The following ATAD5 variants were observed in gnomAD, a reference collection of about 807,000 sequenced individuals.
ATAD5 encodes the protein ATPase family AAA domain-containing protein 5.
ATAD5 carries 58 observed loss-of-function variants against 176.9 expected under a neutral mutation model. That is an observed-to-expected ratio of 0.33 (90% CI 0.27 to 0.41). The LOEUF is 0.41. Among genes scored for constraint, ATAD5 ranks in the 10% least tolerant of loss-of-function variants. The probability of loss-of-function intolerance (pLI) is 1.00; values close to 1 mark genes in which losing one functional copy is unlikely to be tolerated. For missense variants in ATAD5, 1,789 were observed against 2,094.1 expected (o/e 0.85, Z 2.84); for synonymous variants, 640 against 712.6 (o/e 0.90, Z 1.62).
chr17:30,884,932 A>G (rs1334420464), intron 18 of ATAD5, among the ~76,000 whole-genome samples: 1 of 151,780 alleles, frequency 6.6e-6, no homozygotes, highest in African/African-American at 2.4e-5. Flanking sequence ...TATTTTTAGT[A>G]GAGACGGGGT....
At chr17:30,885,594 AT>A (rs1157108923) in intron 18 of ATAD5, among the ~76,000 whole-genome samples, 1 of 140,884 alleles carries the variant, frequency 7.1e-6, no homozygotes, top group Non-Finnish European at 1.6e-5. Flanking sequence ...TTTTTATCAG[AT>A]TAAGGAAATT....
intron 14 of ATAD5, among the ~76,000 whole-genome samples, chr17:30,871,340 T>A (rs574306708): frequency 1.3e-5 from 2 of 151,700 alleles, no homozygotes; most frequent in African/African-American, 4.8e-5. Context: ...ATTAATTCTA[T>A]CATCTGTGTA....
chr17:30,848,786 G>A (rs1022998978), intron 6 of ATAD5, among the ~76,000 whole-genome samples: 1 of 152,130 alleles, frequency 6.6e-6, no homozygotes, highest in Non-Finnish European at 1.5e-5. Flanking sequence ...TATAGTATAT[G>A]CTCTTTTGTG....
chr17:30,893,985 C>T lies in ATAD5; in HGVS notation c.5132C>T (p.Ala1711Val), dbSNP rs770306744. The change falls in exon 21 of 23, where the codon GCT (alanine) becomes GTT (valine). Residue 1711 changes from alanine to valine, a missense_variant. Physicochemically the swap from Ala to Val is moderately conservative, Grantham distance 64. Transcript: ENST00000321990. ...CAAAGCTCTGGAGAATTAAAGGCAG[C>T]TGCAGAAGCTCTCAGCTTTACTAAA... The part of the protein sequence containing the change: ...TSQSSGELKA[A>V]AEALSFTKCS... The T allele has an allele frequency of 1.2e-6, 2 of 1,613,972 alleles. No homozygotes were observed. Among genetic ancestry groups the T allele is most frequent in the Admixed American group, 1.7e-5 (1 of 59,996 alleles).
chr17:30,881,671 G>A (rs1909019272), intron 18 of ATAD5, among the ~76,000 whole-genome samples: 1 of 152,162 alleles, frequency 6.6e-6, no homozygotes, highest in Non-Finnish European at 1.5e-5. Context: ...CCAGCACTTT[G>A]GGAGGCAGAG....
chr17:30,835,877 G>A lies in ATAD5; in HGVS notation c.1796G>A (p.Arg599Lys). The change falls in exon 2 of 23, where the codon AGA becomes AAA. Residue 599 changes from arginine to lysine, a missense_variant. By Grantham distance (26) the Arg-to-Lys change is conservative. This residue lies in a region of ATAD5 where 696 missense variants were observed against 712.5 expected (regional missense o/e 0.98). Coordinates refer to ENST00000321990, the MANE Select transcript of ATAD5 (RefSeq NM_024857.5). The stretch of plus-strand genomic sequence containing the variant: ...CCCAAGTCAACTAGAAGATCTGGAA[G>A]AATTAGCAGCACACCTACTACAGAA... ...STPKSTRRSG[R>K]ISSTPTTETI... 1 of 1,613,998 alleles carries A rather than the reference G, an allele frequency of 6.2e-7. No individual in the cohort carries two copies. The highest frequency in any genetic ancestry group is 8.5e-7 in the Non-Finnish European group (1 of 1,179,986).
In ATAD5 at chr17:30,892,730, C is replaced by A. The variant is rs770436874; in HGVS notation, c.4382C>A (p.Thr1461Asn). 42 of 1,584,034 alleles carry A rather than the reference C, an allele frequency of 2.7e-5. No individual in the cohort carries two copies. The highest frequency in any genetic ancestry group is 3.4e-5 in the Non-Finnish European group (40 of 1,167,034). The change falls in exon 20 of 23, where the codon ACC becomes AAC. Residue 1461 changes from threonine to asparagine, a missense_variant. By Grantham distance (65) the Thr-to-Asn change is moderately conservative. Coordinates refer to ENST00000321990, the MANE Select transcript of ATAD5 (RefSeq NM_024857.5). ...AAATGTGACAGTGGCTGTGCTGAGA[C>A]CTTGTTTGGCCTTAAGAACATTTTT... ...LPKCDSGCAE[T>N]LFGLKNIFSP...
chr17:30,834,885 G>C lies in ATAD5; in HGVS notation c.804G>C (p.Glu268Asp). ...LNDSIITVSY[E>D]EFLKSHKENK... is the part of the protein sequence containing the mutation. ...ATAGTATAATAACTGTCTCATATGA[G>C]GAATTTTTAAAAAGTCACAAGGAAA... Residue 268 changes from glutamate (E) to aspartate (D), a missense_variant, in exon 2 of 23, where the codon GAG becomes GAC. This residue lies in a region of ATAD5 where 696 missense variants were observed against 712.5 expected (regional missense o/e 0.98). Transcript: ENST00000321990. 6.2e-7 allele frequency: 1 copy of C among 1,613,620 alleles called. No homozygotes were observed. Among genetic ancestry groups the C allele is most frequent in the Non-Finnish European group, 8.5e-7 (1 of 1,179,864 alleles).
In ATAD5 at chr17:30,857,023, A is replaced by G. The variant is rs1463773312; in HGVS notation, c.2704A>G (p.Lys902Glu). 1.2e-6 allele frequency: 2 copies of G among 1,609,458 alleles called. No individual in the cohort carries two copies. The highest frequency in any genetic ancestry group is 1.7e-5 in the Admixed American group (1 of 58,426). ...LLTKFKELNTKVIDLSKCGIA... is the reference protein window; with the variant it reads ...LLTKFKELNTEVIDLSKCGIA... ...AACTAAATTTAAAGAACTGAACACT[A>G]AAGTAATAGATCTCTCAAAATGTGG... The change falls in exon 8 of 23, where the codon AAA (lysine) becomes GAA (glutamate). Residue 902 changes from lysine (K) to glutamate (E), a missense_variant. This residue lies in a region of ATAD5 where 487 missense variants were observed against 573.6 expected (regional missense o/e 0.85). Coordinates refer to ENST00000321990, the MANE Select transcript of ATAD5 (RefSeq NM_024857.5).
chr17:30,891,789 T>A (rs1295181666), intron 19 of ATAD5, among the ~76,000 whole-genome samples: 2 of 152,000 alleles, frequency 1.3e-5, no homozygotes, highest in Non-Finnish European at 1.5e-5. Context: ...AGGTTCAAGC[T>A]ATTCTCCTGC....
intron 7 of ATAD5, 120 bp from the exon 8 acceptor site, chr17:30,856,835 T>G (rs1907316492): frequency 9.7e-6 from 9 of 925,306 alleles, no homozygotes; most frequent in South Asian, 6.9e-5. Flanking sequence ...AGTCATGTGG[T>G]TTTTGGTATG....
At chr17:30,838,218 G>C (rs995121036) in intron 3 of ATAD5, among the ~76,000 whole-genome samples, 1 of 152,124 alleles carries the variant, frequency 6.6e-6, no homozygotes, top group East Asian at 1.9e-4. Flanking sequence ...TAGTTGTTTC[G>C]GCAAAATAAG....
chr17:30,891,624 C>T (rs182656090), intron 19 of ATAD5, among the ~76,000 whole-genome samples: 22 of 152,162 alleles, frequency 1.4e-4, no homozygotes, highest in Admixed American at 1.1e-3. Flanking sequence ...CCACCCGCCT[C>T]GGCCTCCCAA....
intron 6 of ATAD5, among the ~76,000 whole-genome samples, chr17:30,848,738 T>C (rs1441804008): frequency 1.3e-5 from 2 of 152,230 alleles, no homozygotes; most frequent in Non-Finnish European, 2.9e-5. Context: ...TTCTTTATAC[T>C]AATTTATATT....
At position 30,869,565 on chromosome 17, in the gene ATAD5, C is replaced by G; in HGVS notation, c.3526C>G (p.Gln1176Glu). 6.2e-7 allele frequency: 1 copy of G among 1,611,030 alleles called. No individual in the cohort carries two copies. The highest frequency in any genetic ancestry group is 8.5e-7 in the Non-Finnish European group (1 of 1,179,206). Residue 1176 changes from glutamine (Q) to glutamate (E), a missense_variant, in exon 14 of 23, where the codon CAG becomes GAG. Around this residue, in one of 6 missense-constraint regions of ATAD5, gnomAD observed 194 missense variants for 270.1 expected, o/e 0.72. Coordinates refer to ENST00000321990, the MANE Select transcript of ATAD5 (RefSeq NM_024857.5). ...TCTATCTCAGTTGAAGGAAGCTACT[C>G]AGTCCCATCAAGTAGACAAACAAGG... ...QILSQLKEAT[Q>E]SHQVDKQGVN...
chr17:30,869,074 C>G (rs1451365677), intron 12 of ATAD5, among the ~76,000 whole-genome samples, 174 bp from the exon 13 acceptor site: 1 of 152,018 alleles, frequency 6.6e-6, no homozygotes, highest in African/African-American at 2.4e-5. Flanking sequence ...GATCTGCCCG[C>G]CTCAGCTTCC....
chr17:30,879,343 G>C, intron 17 of ATAD5, 80 bp from the exon 18 acceptor site: 1 of 1,508,986 alleles, frequency 6.6e-7, no homozygotes, highest in Non-Finnish European at 9.1e-7. Flanking sequence ...TATTTTCATA[G>C]AAAAGTATAA....
chr17:30,868,517 T>C (rs1239615951), intron 12 of ATAD5, 105 bp downstream of exon 12: 12 of 819,378 alleles, frequency 1.5e-5, no homozygotes, highest in Non-Finnish European at 2.0e-5. Context: ...TAATTTTTTT[T>C]TTTTTTTGGA....
intron 14 of ATAD5, among the ~76,000 whole-genome samples, chr17:30,872,067 C>A (rs1455418771): frequency 6.6e-6 from 1 of 152,034 alleles, no homozygotes; most frequent in Non-Finnish European, 1.5e-5. Context: ...TACAGACCAC[C>A]GCACTCAGCT....
Sources: gnomAD v4.1 joint callset for allele counts (sites outside exome capture counted in the v4.1 genomes callset) on GRCh38, gnomAD v4.1.1 for gene constraint, gnomAD v4.1.1 regional missense constraint, MANE v1.5 for transcripts, NCBI Gene and HGNC (gene_info 2026-07-23, HGNC 2026-07-21) for gene names.